LRRN3: variants seen among roughly 807,000 people sequenced by gnomAD.
The protein encoded by LRRN3 is leucine rich repeat neuronal 3, also known as leucine-rich repeat neuronal protein 3.
Under a neutral mutation model 40.1 loss-of-function variants are expected in LRRN3, and 15 were observed. That is an observed-to-expected ratio of 0.37 (90% CI 0.25 to 0.58). The LOEUF is 0.58. LRRN3 is among the 20% of genes least tolerant of loss of function. LRRN3 has a pLI of 0.72. For synonymous variants in LRRN3, 308 were observed against 297.2 expected, an observed-to-expected ratio of 1.04 and a Z score of -0.37; for missense variants, 746 against 837.7, an observed-to-expected ratio of 0.89 and a Z score of 1.35.
At chr7:111,101,621 C>CAA (rs1325089718) in intron 2 of LRRN3, among the ~76,000 whole-genome samples, 56 of 151,300 alleles carry the variant, frequency 3.7e-4, no homozygotes, top group African/African-American at 1.3e-3. Flanking sequence ...AATAGGTATA[C>CAA]TGTCTTGTAT....
chr7:111,117,240 T>C (rs182640450), intron 2 of LRRN3, among the ~76,000 whole-genome samples: 1 of 152,254 alleles, frequency 6.6e-6, no homozygotes, highest in East Asian at 1.9e-4. Flanking sequence ...ATTCAATTGT[T>C]AGACACCTTT....
At position 111,091,521 on chromosome 7, in the gene LRRN3, C is replaced by T. The variant is rs1271501268; in HGVS notation, c.-441+17C>T. 5 of 152,172 alleles carry T rather than the reference C, an allele frequency of 3.3e-5. No homozygotes were observed. Among genetic ancestry groups the T allele is most frequent in the African/African-American group, 1.2e-4 (5 of 41,436 alleles). The allele number at this position is 152,172 out of a possible 1,614,324, so 9.4% of individuals were successfully genotyped here. On this transcript the variant is annotated intron_variant, in intron 1 of 2. Coordinates refer to ENST00000308478, the MANE Select transcript of LRRN3 (RefSeq NM_001099658.2). ...CTTTTCAAGGTAAGTTTAAAATACACATATATTTTAAAATACGTTCTATTT... is the reference window on the plus strand; with the variant it reads ...CTTTTCAAGGTAAGTTTAAAATACATATATATTTTAAAATACGTTCTATTT...
At chr7:111,104,826 A>G (rs1313385409) in intron 2 of LRRN3, among the ~76,000 whole-genome samples, 1 of 151,814 alleles carries the variant, frequency 6.6e-6, no homozygotes, top group Non-Finnish European at 1.5e-5. Flanking sequence ...GAAGCAGGGC[A>G]AAATCTATTT....
At position 111,115,757 on chromosome 7, in the gene LRRN3, T is replaced by G. The variant is rs950615312; in HGVS notation, c.-358-6658T>G. On this transcript the variant is annotated intron_variant, in intron 2 of 2. Coordinates refer to ENST00000308478, the MANE Select transcript of LRRN3 (RefSeq NM_001099658.2). ...ATCTGGGCTCACTGCAGCCACCGCC[T>G]CCCAGGTTCCAGCGATTCTCGTGCC... Among the ~76,000 whole-genome samples the G allele has an allele frequency of 5.9e-5, 9 of 152,220 alleles. No homozygotes were observed. The East Asian group carries it at 1.7e-3, about 29-fold the overall frequency.
Position 111,124,886 on chromosome 7 carries a change from CA to C in LRRN3, c.2117del (p.Asn706IlefsTer14). 7.0e-7 allele frequency: 1 copy of C among 1,421,040 alleles called. No homozygotes were observed. The highest frequency in any genetic ancestry group is 9.4e-7 in the Non-Finnish European group (1 of 1,064,572). 88.0% of individuals were successfully genotyped at this position (1,421,040 alleles called of 1,614,324 possible). A position where few individuals can be genotyped will look rare whatever the true frequency, so the allele number is the denominator to read the frequency against. On this transcript the variant is annotated frameshift_variant, in exon 3 of 3. Coordinates refer to ENST00000308478, the MANE Select transcript of LRRN3 (RefSeq NM_001099658.2). LOFTEE classifies it high-confidence loss of function. ...KVKATVIGLP[T>X]NMS is the part of the protein sequence containing the mutation. ...AAAGCAACTGTTATAGGTTTACCAA[CA>C]AATATGTCCTAAAAACCACCAAGGA...
Position 111,123,408 on chromosome 7 carries a change from C to A in LRRN3, c.636C>A (p.Ile212=). ...AAGACATGAACTTTAAGCCTCTTATCAATCTTCGCAGCCTGGTTATAGCTG... is the reference window on the plus strand; with the variant it reads ...AAGACATGAACTTTAAGCCTCTTATAAATCTTCGCAGCCTGGTTATAGCTG... ...RIKDMNFKPL[I]NLRSLVIAGI... Residue 212 remains isoleucine (I), a synonymous_variant, in exon 3 of 3, where the codon ATC becomes ATA. Transcript: ENST00000308478. The surrounding 1 kb of genome is among the most constrained non-coding windows in gnomAD (Gnocchi z 6.4). The A allele has an allele frequency of 6.2e-7, 1 of 1,613,598 alleles. No homozygotes were observed. Among genetic ancestry groups the A allele is most frequent in the Non-Finnish European group, 8.5e-7 (1 of 1,179,872 alleles).
intron 1 of LRRN3, among the ~76,000 whole-genome samples, chr7:111,093,628 C>T (rs925679362): frequency 1.8e-4 from 28 of 152,162 alleles, no homozygotes; most frequent in Non-Finnish European, 1.0e-4. Context: ...GTAAAGCTCA[C>T]ATACATATTT....
chr7:111,117,537 T>C (rs1800034606), intron 2 of LRRN3, among the ~76,000 whole-genome samples: 1 of 152,046 alleles, frequency 6.6e-6, no homozygotes, highest in Non-Finnish European at 1.5e-5. Flanking sequence ...TTCCTGAGAG[T>C]TGTCATATAA....
chr7:111,106,425 T>C (rs925941079), intron 2 of LRRN3, among the ~76,000 whole-genome samples: 1 of 151,892 alleles, frequency 6.6e-6, no homozygotes, highest in Non-Finnish European at 1.5e-5. Context: ...GGAAACTCAC[T>C]GGTTTTGAGA....
intron 2 of LRRN3, among the ~76,000 whole-genome samples, chr7:111,121,688 T>G (rs1041117466): frequency 6.6e-6 from 1 of 152,186 alleles, no homozygotes; most frequent in Non-Finnish European, 1.5e-5. Context: ...CTCGGGGATC[T>G]AGAACTAGAA....
chr7:111,118,782 C>T (rs180802677), intron 2 of LRRN3, among the ~76,000 whole-genome samples: 19 of 152,080 alleles, frequency 1.2e-4, no homozygotes, highest in Admixed American at 4.6e-4. Context: ...GCTAAAGAAA[C>T]GATAAATTTC....
chr7:111,095,778 C>T (rs1353823586), intron 1 of LRRN3, among the ~76,000 whole-genome samples: 1 of 151,928 alleles, frequency 6.6e-6, no homozygotes, highest in Non-Finnish European at 1.5e-5. Context: ...ATTTAAGGCA[C>T]TTAACATGTG....
At chr7:111,096,653 T>C (rs1027472982) in intron 1 of LRRN3, among the ~76,000 whole-genome samples, 5 of 151,794 alleles carry the variant, frequency 3.3e-5, no homozygotes, top group Non-Finnish European at 7.4e-5. Context: ...TCTCAAAAAC[T>C]GGAAAAAATG....
intron 2 of LRRN3, among the ~76,000 whole-genome samples, chr7:111,115,922 C>T (rs1563259711): frequency 6.6e-6 from 1 of 152,128 alleles, no homozygotes; most frequent in Non-Finnish European, 1.5e-5. Context: ...GGTGATCCAC[C>T]CAACTCAGCC....
At position 111,125,379 on chromosome 7, in the gene LRRN3, G is replaced by A. The variant is rs1474864610; in HGVS notation, c.*480G>A. ...GTGAGTATGTGGACCTCTTTTATAA[G>A]GAAAAATACATTTTGGATTAAAATC... On this transcript the variant is annotated 3_prime_UTR_variant, in exon 3 of 3. Coordinates refer to ENST00000308478, the MANE Select transcript of LRRN3 (RefSeq NM_001099658.2). The A allele has an allele frequency of 6.0e-6, 1 of 167,084 alleles. No homozygotes were observed. The highest frequency in any genetic ancestry group is 1.9e-4 in the East Asian group (1 of 5,200). The allele number at this position is 167,084 out of a possible 1,614,324, so 10.4% of individuals were successfully genotyped here. A position where few individuals can be genotyped will look rare whatever the true frequency, so the allele number is the denominator to read the frequency against.
At chr7:111,111,948 T>G (rs987138662) in intron 2 of LRRN3, among the ~76,000 whole-genome samples, 7 of 131,756 alleles carry the variant, frequency 5.3e-5, no homozygotes, top group East Asian at 2.1e-4. Flanking sequence ...GTTTGTTTTT[T>G]TTTTTTTTTT....
At chr7:111,107,530 G>T (rs985525516) in intron 2 of LRRN3, among the ~76,000 whole-genome samples, 2 of 151,990 alleles carry the variant, frequency 1.3e-5, no homozygotes, top group Admixed American at 1.3e-4. Flanking sequence ...AAGGGGCAAT[G>T]GAACATGAAG....
intron 2 of LRRN3, among the ~76,000 whole-genome samples, chr7:111,106,045 T>C (rs1260418411): frequency 6.6e-6 from 1 of 151,970 alleles, no homozygotes; most frequent in Non-Finnish European, 1.5e-5. Context: ...AGAAACATAT[T>C]TGTAATATCA....
chr7:111,093,756 C>T (rs534626163), intron 1 of LRRN3, among the ~76,000 whole-genome samples: 182 of 152,238 alleles, frequency 1.2e-3, no homozygotes, highest in Non-Finnish European at 2.2e-3. Context: ...TCAGCACCTA[C>T]GAATGCCAGA....
Sources: gnomAD v4.1 joint callset for allele counts (sites outside exome capture counted in the v4.1 genomes callset) on GRCh38, gnomAD v4.1.1 for gene constraint, Gnocchi (gnomAD v3.1) non-coding constraint, MANE v1.5 for transcripts, NCBI Gene and HGNC (gene_info 2026-07-23, HGNC 2026-07-21) for gene names.